The following BRAF variants were observed in gnomAD, a reference collection of about 807,000 sequenced individuals.
The protein encoded by BRAF is serine/threonine-protein kinase B-raf.
Under a neutral mutation model 104.6 loss-of-function variants are expected in BRAF, and 16 were observed. The observed-to-expected ratio is 0.15, with a 90% confidence interval of 0.10 to 0.23. BRAF has a LOEUF of 0.23. Ranked by LOEUF, BRAF falls within the 10% of genes least tolerant of loss-of-function variation. The pLI, the probability that BRAF is intolerant of heterozygous loss-of-function variation, is 1.00. For synonymous variants in BRAF, 310 were observed against 341.6 expected (o/e 0.91, Z 1.02); for missense variants, 541 against 937.3 (o/e 0.58, Z 5.52).
chr7:140,868,432 T>C (rs1301209862), intron 1 of BRAF, among the ~76,000 whole-genome samples: 1 of 152,170 alleles, frequency 6.6e-6, no homozygotes, highest in Non-Finnish European at 1.5e-5. Flanking sequence ...TTCTATAACA[T>C]GACCAAACCT....
At chr7:140,829,942 T>C (rs1287218793) in intron 3 of BRAF, among the ~76,000 whole-genome samples, 1 of 152,216 alleles carries the variant, frequency 6.6e-6, no homozygotes, top group South Asian at 2.1e-4. Context: ...GCTCTCTCCA[T>C]GTCTCTTATC....
At chr7:140,908,413 G>A (rs1036245567) in intron 1 of BRAF, among the ~76,000 whole-genome samples, 2 of 151,738 alleles carry the variant, frequency 1.3e-5, no homozygotes, top group Non-Finnish European at 2.9e-5. Flanking sequence ...AAAAATTACT[G>A]GAAGCAATTC....
At chr7:140,782,772 T>C (rs2129025931) in intron 11 of BRAF, among the ~76,000 whole-genome samples, 1 of 152,302 alleles carries the variant, frequency 6.6e-6, no homozygotes, top group East Asian at 1.9e-4. Context: ...TCTCTCTTTT[T>C]CCTTACTTTA....
Position 140,724,259 on chromosome 7 carries a change from C to T in BRAF, c.*2235G>A. ...CCAGGCTGCACATGTTCTACCTCCT[C>T]AGCAGGACATGAAACACATCCTCTT... On this transcript the variant is annotated 3_prime_UTR_variant, in exon 20 of 20. Transcript: ENST00000644969. 9.4e-7 allele frequency: 1 copy of T among 1,059,170 alleles called. No homozygotes were observed. Among genetic ancestry groups the T allele is most frequent in the Non-Finnish European group, 1.1e-6 (1 of 875,438 alleles). The allele number at this position is 1,059,170 out of a possible 1,614,324, so 65.6% of individuals were successfully genotyped here. A position where few individuals can be genotyped will look rare whatever the true frequency, so the allele number is the denominator to read the frequency against.
intron 1 of BRAF, among the ~76,000 whole-genome samples, chr7:140,852,589 A>G (rs527824608): frequency 8.5e-5 from 13 of 152,212 alleles, no homozygotes; most frequent in South Asian, 6.2e-4. Context: ...CTAATTTTTC[A>G]TATCTCCAAA....
At chr7:140,794,217 G>T (rs1348494544) in intron 8 of BRAF, 91 bp downstream of exon 8, 1 of 1,444,388 alleles carries the variant, frequency 6.9e-7, no homozygotes, top group Non-Finnish European at 9.6e-7. Context: ...ATGAAAAATG[G>T]CACTTATTTC....
chr7:140,881,836 T>A (rs1380121835), intron 1 of BRAF, among the ~76,000 whole-genome samples: 1 of 152,168 alleles, frequency 6.6e-6, no homozygotes, highest in Non-Finnish European at 1.5e-5. Context: ...AGCCAGTCAG[T>A]GGAGCAGTTA....
intron 1 of BRAF, among the ~76,000 whole-genome samples, chr7:140,871,037 C>A (rs1811523753): frequency 6.6e-6 from 1 of 151,560 alleles, no homozygotes; most frequent in African/African-American, 2.4e-5. Context: ...ACCATCCTGG[C>A]TAACACGGTG....
rs570694727 is a variant in BRAF at position 140,795,781 on chromosome 7, T to TA, written c.981-1315dup. Among the ~76,000 whole-genome samples the TA allele has an allele frequency of 1.2e-4, 18 of 151,678 alleles. No homozygotes were observed. In the South Asian group the frequency reaches 1.5e-3, roughly 12 times the overall value. On this transcript the variant is annotated intron_variant, in intron 7 of 19. Coordinates refer to ENST00000644969, the MANE Select transcript of BRAF (RefSeq NM_001374258.1). ...ATGCAAATAATAAAATATTATGTAC[T>TA]AAAAAAAAATTGGTATCGGCTCAAT...
intron 5 of BRAF, 74 bp downstream of exon 5, chr7:140,807,886 T>C (rs1044266010): frequency 1.6e-6 from 2 of 1,217,912 alleles, no homozygotes; most frequent in Non-Finnish European, 2.4e-6. Flanking sequence ...ATATTTCACA[T>C]TCCCTAAATA....
intron 1 of BRAF, among the ~76,000 whole-genome samples, chr7:140,915,504 G>A (rs1254309024): frequency 2.7e-5 from 4 of 149,522 alleles, no homozygotes; most frequent in Non-Finnish European, 5.9e-5. Flanking sequence ...GCGCAATATC[G>A]GCTCACTGCA....
chr7:140,728,726 T>G (rs891473857), intron 19 of BRAF, among the ~76,000 whole-genome samples: 1 of 152,306 alleles, frequency 6.6e-6, no homozygotes, highest in South Asian at 2.1e-4. Flanking sequence ...TTTTAATGTT[T>G]CTTTAAAATG....
intron 1 of BRAF, among the ~76,000 whole-genome samples, chr7:140,869,430 C>T (rs1160732831): frequency 1.3e-5 from 2 of 152,058 alleles, no homozygotes; most frequent in Admixed American, 6.6e-5. Flanking sequence ...GTCAGGAATT[C>T]GAGACCTACC....
At chr7:140,819,218 T>C (rs1347470853) in intron 3 of BRAF, among the ~76,000 whole-genome samples, 5 of 152,162 alleles carry the variant, frequency 3.3e-5, no homozygotes, top group Non-Finnish European at 1.5e-5. Flanking sequence ...TGTAAAACTA[T>C]CTATATAAAA....
intron 1 of BRAF, among the ~76,000 whole-genome samples, chr7:140,921,828 T>A (rs1391138888): frequency 6.6e-6 from 1 of 151,852 alleles, no homozygotes; most frequent in African/African-American, 2.4e-5. Flanking sequence ...CATTTTACTG[T>A]TAGGTAAAAT....
rs1795546621 is a variant in BRAF at position 140,725,449 on chromosome 7, C to T, written c.*1045G>A. On this transcript the variant is annotated 3_prime_UTR_variant, in exon 20 of 20. Transcript: ENST00000644969. Reference sequence around the variant, plus strand: ...TTGTTTTTTTCCAATTCAATTAAATCTGAAAATTATTTTCTTTTTAATAAA... The same window carrying T: ...TTGTTTTTTTCCAATTCAATTAAATTTGAAAATTATTTTCTTTTTAATAAA... 3 of 934,744 alleles carry T rather than the reference C, an allele frequency of 3.2e-6. No individual in the cohort carries two copies. In the African/African-American group the frequency reaches 5.2e-5, roughly 16 times the overall value. The allele number at this position is 934,744 out of a possible 1,614,324, so 57.9% of individuals were successfully genotyped here.
chr7:140,885,326 AT>A (rs995439072), intron 1 of BRAF, among the ~76,000 whole-genome samples: 128 of 150,580 alleles, frequency 8.5e-4, no homozygotes, highest in Non-Finnish European at 1.5e-3. Flanking sequence ...AAAAAAAAAA[AT>A]TTTTTTTTTG....
At chr7:140,816,573 T>C (rs1270092469) in intron 3 of BRAF, among the ~76,000 whole-genome samples, 1 of 152,168 alleles carries the variant, frequency 6.6e-6, no homozygotes, top group Non-Finnish European at 1.5e-5. Context: ...GCCCTATCTT[T>C]TCCCTTTGCC....
chr7:140,744,318 T>C (rs1797177288), intron 17 of BRAF, among the ~76,000 whole-genome samples: 1 of 152,246 alleles, frequency 6.6e-6, no homozygotes, highest in Non-Finnish European at 1.5e-5. Context: ...CCATGTGTGT[T>C]GTCACACATT....
Sources: allele counts gnomAD v4.1 joint callset (sites outside exome capture counted in the v4.1 genomes callset), GRCh38; gene constraint gnomAD v4.1.1; transcripts MANE v1.5; gene names NCBI Gene and HGNC (gene_info 2026-07-23, HGNC 2026-07-21).